RAB3GAP1: variants seen among roughly 807,000 people sequenced by gnomAD.
RAB3GAP1 encodes rab3 GTPase-activating protein catalytic subunit.
RAB3GAP1 carries 86 observed loss-of-function variants against 130.7 expected under a neutral mutation model. The ratio of observed to expected loss-of-function variants is 0.66; its 90% CI spans 0.55 to 0.79. RAB3GAP1 has a LOEUF of 0.79. RAB3GAP1 is among the 30% of genes least tolerant of loss of function. The pLI is 0.00. For synonymous variants in RAB3GAP1, 367 were observed against 401.7 expected (o/e 0.91, Z 1.03); for missense variants, 1,029 against 1,169.4 (o/e 0.88, Z 1.75).
chr2:135,110,311 T>A (rs1690761576), intron 5 of RAB3GAP1, among the ~76,000 whole-genome samples: 1 of 152,062 alleles, frequency 6.6e-6, no homozygotes, highest in Non-Finnish European at 1.5e-5. Flanking sequence ...TTTTTACAAT[T>A]TTTTGTAGAG....
chr2:135,157,370 C>T (rs1208674225), intron 19 of RAB3GAP1, among the ~76,000 whole-genome samples: 2 of 152,096 alleles, frequency 1.3e-5, no homozygotes, highest in Non-Finnish European at 2.9e-5. Flanking sequence ...GAAAAATAAA[C>T]CTGAAAGCAA....
At chr2:135,150,224 A>G in intron 17 of RAB3GAP1, 145 bp from the exon 18 acceptor site, 2 of 960,692 alleles carry the variant, frequency 2.1e-6, no homozygotes, top group Non-Finnish European at 3.1e-6. Context: ...TAAGTTCTAA[A>G]AAACTTATGC....
At chr2:135,082,647 G>A (rs1011670647) in intron 3 of RAB3GAP1, among the ~76,000 whole-genome samples, 6 of 151,808 alleles carry the variant, frequency 4.0e-5, no homozygotes, top group Admixed American at 3.9e-4. Context: ...CACCATGTTG[G>A]TCAGGCTGGT....
At chr2:135,103,841 C>T (rs989579532) in intron 5 of RAB3GAP1, among the ~76,000 whole-genome samples, 8 of 152,246 alleles carry the variant, frequency 5.3e-5, no homozygotes, top group South Asian at 4.2e-4. Flanking sequence ...AGTCCCAATT[C>T]GAGGCAAGTG....
At chr2:135,069,854 C>G (rs1308268929) in intron 3 of RAB3GAP1, among the ~76,000 whole-genome samples, 1 of 152,164 alleles carries the variant, frequency 6.6e-6, no homozygotes, top group Non-Finnish European at 1.5e-5. Context: ...TTTATCTCAG[C>G]TGTCATACTT....
chr2:135,121,096 A>C (rs994345069), intron 8 of RAB3GAP1, among the ~76,000 whole-genome samples, 178 bp downstream of exon 8: 2 of 152,046 alleles, frequency 1.3e-5, no homozygotes, highest in African/African-American at 4.8e-5. Context: ...TTGAAGAAAA[A>C]CTGTAGGTTT....
Position 135,113,140 on chromosome 2 carries a change from C to A in RAB3GAP1, c.363-11C>A. On this transcript the variant is annotated splice_polypyrimidine_tract_variant and intron_variant, in intron 5 of 23. Transcript: ENST00000264158. ...TTTCCCCTGTTTAATGCAGTTAATTCTTTTTTTAAGGTATGGGCTACGTGA... is the reference window on the plus strand; with the variant it reads ...TTTCCCCTGTTTAATGCAGTTAATTATTTTTTTAAGGTATGGGCTACGTGA... 6.2e-7 allele frequency: 1 copy of A among 1,614,034 alleles called. No homozygotes were observed.
intron 3 of RAB3GAP1, among the ~76,000 whole-genome samples, chr2:135,062,863 T>C (rs1670739521): frequency 6.6e-6 from 1 of 152,252 alleles, no homozygotes; most frequent in Non-Finnish European, 1.5e-5. Context: ...TAAAATTTTG[T>C]ATGTTAACTT....
chr2:135,118,248 C>T (rs1312241846), intron 7 of RAB3GAP1, among the ~76,000 whole-genome samples: 4 of 152,082 alleles, frequency 2.6e-5, no homozygotes, highest in Non-Finnish European at 5.9e-5. Context: ...TGGAACCCAA[C>T]TTACATCTTG....
chr2:135,084,699 T>A (rs1430164769), intron 3 of RAB3GAP1, among the ~76,000 whole-genome samples: 3 of 152,080 alleles, frequency 2.0e-5, no homozygotes, highest in Non-Finnish European at 4.4e-5. Context: ...ACAGGGGTTA[T>A]TATTAATACT....
intron 18 of RAB3GAP1, among the ~76,000 whole-genome samples, chr2:135,152,379 A>G (rs532855745): frequency 1.3e-5 from 2 of 152,374 alleles, no homozygotes; most frequent in East Asian, 3.9e-4. Context: ...AGTAAGGACA[A>G]CCAGAAAGAA....
chr2:135,154,411 T>G (rs575068243), intron 19 of RAB3GAP1, among the ~76,000 whole-genome samples: 11 of 152,132 alleles, frequency 7.2e-5, no homozygotes, highest in South Asian at 6.2e-4. Flanking sequence ...CCTTCCTACC[T>G]CCTCCACCCC....
intron 3 of RAB3GAP1, among the ~76,000 whole-genome samples, chr2:135,081,346 A>G (rs1322489833): frequency 1.0e-5 from 1 of 95,920 alleles, no homozygotes; most frequent in African/African-American, 5.9e-5. Context: ...ATATATATAT[A>G]TATATATATA....
At chr2:135,125,054 C>G (rs1436509924) in intron 9 of RAB3GAP1, among the ~76,000 whole-genome samples, 1 of 152,206 alleles carries the variant, frequency 6.6e-6, no homozygotes, top group Non-Finnish European at 1.5e-5. Flanking sequence ...TCATAATCAT[C>G]TAATTCCAGA....
chr2:135,085,763 G>A (rs1689955476), intron 3 of RAB3GAP1, among the ~76,000 whole-genome samples: 1 of 152,044 alleles, frequency 6.6e-6, no homozygotes, highest in Non-Finnish European at 1.5e-5. Flanking sequence ...ATTTTTAAGG[G>A]ATATTTTATT....
intron 5 of RAB3GAP1, among the ~76,000 whole-genome samples, chr2:135,095,582 A>G (rs772135392): frequency 4.6e-5 from 7 of 152,204 alleles, no homozygotes; most frequent in African/African-American, 1.2e-4. Flanking sequence ...TATAAATGTG[A>G]TACATTAATG....
chr2:135,148,549 C>T (rs925399477), intron 17 of RAB3GAP1, among the ~76,000 whole-genome samples: 2 of 143,538 alleles, frequency 1.4e-5, no homozygotes, highest in African/African-American at 2.6e-5. Context: ...GGCCTGAGTG[C>T]AGTGGCGTGA....
intron 3 of RAB3GAP1, among the ~76,000 whole-genome samples, chr2:135,088,635 A>T (rs1344551713): frequency 6.7e-6 from 1 of 149,036 alleles, no homozygotes; most frequent in African/African-American, 2.5e-5. Flanking sequence ...GTTGCAGTGA[A>T]CCAAGATCGC....
chr2:135,053,122 G>A (rs1390167819), intron 2 of RAB3GAP1, among the ~76,000 whole-genome samples: 2 of 152,234 alleles, frequency 1.3e-5, no homozygotes, highest in Admixed American at 1.3e-4. Flanking sequence ...CTCGGGAGGA[G>A]CTGGGACCAC....
Sources: gnomAD v4.1 joint callset for allele counts (sites outside exome capture counted in the v4.1 genomes callset) on GRCh38, gnomAD v4.1.1 for gene constraint, MANE v1.5 for transcripts, NCBI Gene and HGNC (gene_info 2026-07-23, HGNC 2026-07-21) for gene names.